B3GNT2: variants seen among roughly 807,000 people sequenced by gnomAD.
B3GNT2 encodes N-acetyllactosaminide beta-1,3-N-acetylglucosaminyltransferase 2.
In B3GNT2, 12 loss-of-function variants were observed where a neutral mutation model predicts 27.6. The observed-to-expected ratio is 0.44, with a 90% confidence interval of 0.28 to 0.71. B3GNT2 has a LOEUF of 0.71. Ranked by LOEUF, B3GNT2 falls within the 30% of genes least tolerant of loss-of-function variation. The pLI is 0.17. For synonymous variants in B3GNT2, 192 were observed against 189.7 expected (o/e 1.01, Z -0.10); for missense variants, 413 against 488.5 (o/e 0.85, Z 1.46).
chr2:62,215,265 C>A lies in B3GNT2; in HGVS notation c.-9-6947C>A, dbSNP rs1335175822. On this transcript the variant is annotated intron_variant, in intron 1 of 1. Transcript: ENST00000301998. ...AACCAAATTCCTTAAATCTAGCTGACAATAGTTCTGTGACTTACAGACTGG... is the reference window on the plus strand; with the variant it reads ...AACCAAATTCCTTAAATCTAGCTGAAAATAGTTCTGTGACTTACAGACTGG... Among the ~76,000 whole-genome samples, 9 of 152,158 alleles carry A rather than the reference C, an allele frequency of 5.9e-5. No individual in the cohort carries two copies. In the East Asian group the frequency reaches 1.7e-3, roughly 29 times the overall value.
At chr2:62,219,901 G>T (rs1432793805) in intron 1 of B3GNT2, among the ~76,000 whole-genome samples, 1 of 152,188 alleles carries the variant, frequency 6.6e-6, no homozygotes, top group East Asian at 1.9e-4. Context: ...GTCTGCAGGG[G>T]TTGGGGGGAG....
At chr2:62,216,118 C>G (rs1674568588) in intron 1 of B3GNT2, among the ~76,000 whole-genome samples, 1 of 152,126 alleles carries the variant, frequency 6.6e-6, no homozygotes, top group African/African-American at 2.4e-5. Flanking sequence ...TTGGTGGCCA[C>G]ATTCAAATGT....
At chr2:62,221,610 C>T (rs886531095) in intron 1 of B3GNT2, among the ~76,000 whole-genome samples, 3 of 152,128 alleles carry the variant, frequency 2.0e-5, no homozygotes, top group Non-Finnish European at 4.4e-5. Flanking sequence ...AGTTTGAGCC[C>T]AGCCTGAGCA....
rs1350605738 is a variant in B3GNT2, at chr2:62,224,334, A to G, written c.*920A>G. The stretch of plus-strand genomic sequence containing the variant: ...ATTGCCATATTTTCACATGCTGCTT[A>G]TACAAGATTATTATTGAGTAGTAAC... On this transcript the variant is annotated 3_prime_UTR_variant, in exon 2 of 2. Transcript: ENST00000301998. 1 of 167,084 alleles carries G rather than the reference A, an allele frequency of 6.0e-6. No individual in the cohort carries two copies. The highest frequency in any genetic ancestry group is 2.4e-5 in the African/African-American group (1 of 41,458). 10.4% of individuals were successfully genotyped at this position (167,084 alleles called of 1,614,324 possible).
At chr2:62,221,712 C>A in intron 1 of B3GNT2, 1 of 394,900 alleles carries the variant, frequency 2.5e-6, no homozygotes, top group Non-Finnish European at 4.9e-6. Flanking sequence ...TGGAACTGCA[C>A]ACAATGCGTC....
chr2:62,221,898 A>G, intron 1 of B3GNT2: 1 of 542,666 alleles, frequency 1.8e-6, no homozygotes, highest in Non-Finnish European at 3.6e-6. Context: ...AGCATGTCTC[A>G]AACAGTCACT....
chr2:62,223,448 G>GTA lies in B3GNT2; in HGVS notation c.*36_*37dup, dbSNP rs756753426. 8 of 1,510,630 alleles carry GTA rather than the reference G, an allele frequency of 5.3e-6. No homozygotes were observed. The highest frequency in any genetic ancestry group is 7.2e-6 in the Non-Finnish European group (8 of 1,105,326). The allele number at this position is 1,510,630 out of a possible 1,614,324, so 93.6% of individuals were successfully genotyped here. A position where few individuals can be genotyped will look rare whatever the true frequency, so the allele number is the denominator to read the frequency against. ...CAAACTCAATTTTGCATAGAAAGGT[G>GTA]TATTTTGAATAGTTCCCATGTTGTG... On this transcript the variant is annotated 3_prime_UTR_variant, in exon 2 of 2. Transcript: ENST00000301998.
In B3GNT2 at chr2:62,223,497, T is replaced by C; in HGVS notation, c.*83T>C. ...TGTTCTCACATTAGAGTAATTTCTA[T>C]ATTAAACCATGAAAATTGCCTTTAT... On this transcript the variant is annotated 3_prime_UTR_variant, in exon 2 of 2. Coordinates refer to ENST00000301998, the MANE Select transcript of B3GNT2 (RefSeq NM_006577.6). The C allele has an allele frequency of 8.1e-7, 1 of 1,234,686 alleles. No individual in the cohort carries two copies. The highest frequency in any genetic ancestry group is 1.1e-6 in the Non-Finnish European group (1 of 895,540). 76.5% of individuals were successfully genotyped at this position (1,234,686 alleles called of 1,614,324 possible).
intron 1 of B3GNT2, among the ~76,000 whole-genome samples, chr2:62,212,493 A>G (rs1004568897): frequency 6.6e-5 from 10 of 151,748 alleles, no homozygotes; most frequent in Non-Finnish European, 1.2e-4. Flanking sequence ...GTAAGCTCCT[A>G]TGGAGGGAGG....
At chr2:62,198,216 C>G (rs1303929562) in intron 1 of B3GNT2, among the ~76,000 whole-genome samples, 1 of 152,198 alleles carries the variant, frequency 6.6e-6, no homozygotes, top group Non-Finnish European at 1.5e-5. Context: ...AGTTCTCACC[C>G]TTGCCATTCA....
intron 1 of B3GNT2, among the ~76,000 whole-genome samples, chr2:62,211,468 G>C (rs984046217): frequency 6.6e-6 from 1 of 151,942 alleles, no homozygotes; most frequent in African/African-American, 2.4e-5. Flanking sequence ...AACTGAATCT[G>C]CTTTAGAGAA....
intron 1 of B3GNT2, among the ~76,000 whole-genome samples, chr2:62,202,347 G>A (rs1321540024): frequency 6.6e-6 from 1 of 152,234 alleles, no homozygotes; most frequent in Non-Finnish European, 1.5e-5. Flanking sequence ...GAAGGTAGAA[G>A]TGCTCAAGGG....
Position 62,198,658 on chromosome 2 carries a change from A to G in B3GNT2, c.-10+2303A>G, listed in dbSNP as rs545134019. On this transcript the variant is annotated intron_variant, in intron 1 of 1. Transcript: ENST00000301998. ...CTTCTGGTGAAGGGCTGAATATATG[A>G]AGGTTTGTAGTTTTGAAAATTTTCT... is the stretch of plus-strand genomic sequence containing the variant. Among the ~76,000 whole-genome samples, 12 of 152,250 alleles carry G rather than the reference A, an allele frequency of 7.9e-5. 1 individual carries two copies. The highest frequency in any genetic ancestry group is 1.7e-4 in the African/African-American group (7 of 41,554).
At chr2:62,212,686 T>C (rs1674502337) in intron 1 of B3GNT2, among the ~76,000 whole-genome samples, 1 of 151,924 alleles carries the variant, frequency 6.6e-6, no homozygotes, top group South Asian at 2.1e-4. Context: ...ATCTATACTT[T>C]CTTCAACAAA....
chr2:62,205,354 G>A (rs1674353539), intron 1 of B3GNT2, among the ~76,000 whole-genome samples: 1 of 152,236 alleles, frequency 6.6e-6, no homozygotes, highest in Non-Finnish European at 1.5e-5. Context: ...GCAAGTCTTG[G>A]TCGAAGGCCT....
chr2:62,218,039 G>A (rs1461603880), intron 1 of B3GNT2, among the ~76,000 whole-genome samples: 1 of 152,214 alleles, frequency 6.6e-6, no homozygotes, highest in Non-Finnish European at 1.5e-5. Flanking sequence ...CACAGCGAGA[G>A]TTTATAACAT....
chr2:62,223,143 G>A lies in B3GNT2; in HGVS notation c.923G>A (p.Gly308Glu), dbSNP rs1020101116. The change falls in exon 2 of 2, where the codon GGG (glycine) becomes GAG (glutamate). Residue 308 changes from glycine (G) to glutamate (E), a missense_variant. Gly to Glu is a moderately conservative substitution (Grantham distance 98). Coordinates refer to ENST00000301998, the MANE Select transcript of B3GNT2 (RefSeq NM_006577.6). ...TACCCACCCTATGCAGGGGGAGGGG[G>A]GTTCCTCTACTCCGGCCACCTGGCC... ...GLYPPYAGGGGFLYSGHLALR... is the reference protein window; with the variant it reads ...GLYPPYAGGGEFLYSGHLALR... The A allele has an allele frequency of 6.2e-7, 1 of 1,614,154 alleles. No individual in the cohort carries two copies. Among genetic ancestry groups the A allele is most frequent in the Non-Finnish European group, 8.5e-7 (1 of 1,180,026 alleles).
intron 1 of B3GNT2, among the ~76,000 whole-genome samples, chr2:62,215,303 G>A (rs7570305): frequency 0.25 from 37,496 of 152,094 alleles, 6,618 homozygotes; most frequent in African/African-American, 0.49. Context: ...AGCAGAGGTA[G>A]ACCATCATCT....
At chr2:62,206,310 C>T (rs1301380409) in intron 1 of B3GNT2, among the ~76,000 whole-genome samples, 1 of 152,144 alleles carries the variant, frequency 6.6e-6, no homozygotes, top group Non-Finnish European at 1.5e-5. Context: ...TTTCTGGGAA[C>T]ATCAGACAAC....
Sources: allele counts gnomAD v4.1 joint callset (sites outside exome capture counted in the v4.1 genomes callset), GRCh38; gene constraint gnomAD v4.1.1; transcripts MANE v1.5; gene names NCBI Gene and HGNC (gene_info 2026-07-23, HGNC 2026-07-21).